Variants in SOBP observed in about 807,000 individuals in gnomAD.
SOBP encodes the protein sine oculis binding protein homolog.
In SOBP, 4 loss-of-function variants were observed where a neutral mutation model predicts 53.6. The ratio of observed to expected loss-of-function variants is 0.07; its 90% CI spans 0.04 to 0.17. SOBP has a LOEUF of 0.17. Ranked by LOEUF, SOBP falls within the 10% of genes least tolerant of loss-of-function variation. SOBP has a pLI of 1.00. For missense variants in SOBP, 1,088 were observed against 1,204.7 expected, an observed-to-expected ratio of 0.90 and a Z score of 1.43; for synonymous variants, 584 against 522.6, an observed-to-expected ratio of 1.12 and a Z score of -1.60.
chr6:107,527,871 A>G (rs1362718940), intron 3 of SOBP, among the ~76,000 whole-genome samples: 1 of 152,188 alleles, frequency 6.6e-6, no homozygotes, highest in Non-Finnish European at 1.5e-5. Context: ...ATCCTTAGTT[A>G]TATGCCATTG....
chr6:107,490,875 C>G (rs73514976), intron 1 of SOBP, among the ~76,000 whole-genome samples, 163 bp downstream of exon 1: 4,260 of 151,980 alleles, frequency 0.028, 217 homozygotes, highest in African/African-American at 0.098. Context: ...GAGGCCAACT[C>G]GAGGGCTGCA....
At position 107,587,181 on chromosome 6, in the gene SOBP, A is replaced by G. The variant is rs1280125299; in HGVS notation, c.669+6A>G. ...AGAATAACTGCGAACTACTTGTAAG[A>G]ATAACATACTTACAACAAGTCTAGA... On this transcript the variant is annotated splice_donor_region_variant and intron_variant, in intron 5 of 6. Transcript: ENST00000317357. 1 of 1,604,230 alleles carries G rather than the reference A, an allele frequency of 6.2e-7. No individual in the cohort carries two copies. Among genetic ancestry groups the G allele is most frequent in the Admixed American group, 1.7e-5 (1 of 59,980 alleles).
At chr6:107,655,587 C>T (rs960130778) in intron 6 of SOBP, among the ~76,000 whole-genome samples, 7 of 152,074 alleles carry the variant, frequency 4.6e-5, no homozygotes, top group African/African-American at 1.7e-4. Flanking sequence ...ACTAGGGCTG[C>T]GAAAAATAGA....
At chr6:107,500,436 A>G (rs1368913032) in intron 1 of SOBP, among the ~76,000 whole-genome samples, 1 of 152,112 alleles carries the variant, frequency 6.6e-6, no homozygotes, top group Non-Finnish European at 1.5e-5. Context: ...ATAACGTTAA[A>G]AATTTATTTT....
chr6:107,586,989 G>A (rs1347418434), intron 4 of SOBP, 91 bp from the exon 5 acceptor site: 15 of 949,836 alleles, frequency 1.6e-5, no homozygotes, highest in South Asian at 3.9e-5. Flanking sequence ...CTGGATTCCC[G>A]TTTGTTGAAT....
At chr6:107,498,426 C>T in intron 1 of SOBP, among the ~76,000 whole-genome samples, 1 of 152,030 alleles carries the variant, frequency 6.6e-6, no homozygotes, top group East Asian at 1.9e-4. Context: ...TAAATAAAAT[C>T]ACCAGTTCTT....
At chr6:107,615,271 G>A (rs543630643) in intron 5 of SOBP, among the ~76,000 whole-genome samples, 4 of 152,158 alleles carry the variant, frequency 2.6e-5, no homozygotes, top group Admixed American at 2.6e-4. Flanking sequence ...CAGAACAAGG[G>A]GTATAATTAG....
intron 5 of SOBP, among the ~76,000 whole-genome samples, chr6:107,621,972 G>A (rs1362767620): frequency 2.6e-5 from 4 of 152,138 alleles, no homozygotes; most frequent in African/African-American, 7.2e-5. Flanking sequence ...ATTTGTAGTA[G>A]GGTATTTTTC....
At chr6:107,591,651 C>G (rs1317946344) in intron 5 of SOBP, among the ~76,000 whole-genome samples, 2 of 152,186 alleles carry the variant, frequency 1.3e-5, no homozygotes, top group Non-Finnish European at 2.9e-5. Context: ...AAGGGGTGAA[C>G]AGCAGGCAGT....
chr6:107,581,247 A>G (rs373789430), intron 4 of SOBP, among the ~76,000 whole-genome samples: 2 of 152,226 alleles, frequency 1.3e-5, no homozygotes, highest in African/African-American at 4.8e-5. Context: ...AGAGTCACTG[A>G]TGGCTTCCTA....
At position 107,573,621 on chromosome 6, in the gene SOBP, C is replaced by G. The variant is rs989988931; in HGVS notation, c.574-13459C>G. 2.6e-5 allele frequency among the ~76,000 whole-genome samples: 4 copies of G among 152,330 alleles called. No homozygotes were observed. The South Asian group carries it at 8.3e-4, about 32-fold the overall frequency. ...TGGCACCACATGGCCCTCCTCAACC[C>G]TTTCTGTACTAATGTCCTCAACTAA... On this transcript the variant is annotated intron_variant, in intron 4 of 6. Transcript: ENST00000317357.
chr6:107,577,585 G>A (rs187150513), intron 4 of SOBP, among the ~76,000 whole-genome samples: 2 of 152,330 alleles, frequency 1.3e-5, no homozygotes, highest in African/African-American at 4.8e-5. Flanking sequence ...GCCCCTTGTA[G>A]TCTGTACAGC....
Position 107,633,676 on chromosome 6 carries a change from A to T in SOBP, c.832A>T (p.Thr278Ser). 1 of 1,614,270 alleles carries T rather than the reference A, an allele frequency of 6.2e-7. No homozygotes were observed. Among genetic ancestry groups the T allele is most frequent in the Non-Finnish European group, 8.5e-7 (1 of 1,180,046 alleles). ...QANLPAGLCS[T>S]LHPPMENKAE... The stretch of plus-strand genomic sequence containing the variant: ...CAATCTTCCAGCTGGGCTGTGCAGC[A>T]CATTACACCCTCCCATGGAAAATAA... The change falls in exon 6 of 7, where the codon ACA (threonine) becomes TCA (serine). Residue 278 changes from threonine (T) to serine (S), a missense_variant. Physicochemically the swap from Thr to Ser is moderately conservative, Grantham distance 58 (BLOSUM62 1). Around this residue, in one of 6 missense-constraint regions of SOBP, gnomAD observed 211 missense variants for 258.9 expected, o/e 0.82. Transcript: ENST00000317357.
rs2024763 is a variant in SOBP, at chr6:107,611,141, C to T, written c.670-22373C>T. Among the ~76,000 whole-genome samples, 1,224 of 152,314 alleles carry T rather than the reference C, an allele frequency of 8.0e-3. 19 individuals carry two copies. The highest frequency in any genetic ancestry group is 0.055 in the East Asian group (285 of 5,176). On this transcript the variant is annotated intron_variant, in intron 5 of 6. Coordinates refer to ENST00000317357, the MANE Select transcript of SOBP (RefSeq NM_018013.4). ...AAATGGTTCTGCCCCTTGTAGCTGC[C>T]CCAGTTCCCTCTTCACTAAAGGCTT...
chr6:107,530,602 T>C (rs1260445889), intron 3 of SOBP, among the ~76,000 whole-genome samples: 3 of 152,098 alleles, frequency 2.0e-5, no homozygotes, highest in African/African-American at 7.2e-5. Context: ...TTTAAATTTT[T>C]TGAATAACCC....
At chr6:107,628,276 A>C (rs1350474271) in intron 5 of SOBP, among the ~76,000 whole-genome samples, 2 of 152,232 alleles carry the variant, frequency 1.3e-5, no homozygotes, top group East Asian at 3.8e-4. Flanking sequence ...GAGGCTTTTC[A>C]GGATGGTGGG....
chr6:107,615,578 T>G (rs1024969085), intron 5 of SOBP, among the ~76,000 whole-genome samples: 1 of 152,150 alleles, frequency 6.6e-6, no homozygotes, highest in Non-Finnish European at 1.5e-5. Flanking sequence ...TGTCTACCTA[T>G]AGAATGTGCT....
chr6:107,546,899 C>T (rs1784316918), intron 4 of SOBP, among the ~76,000 whole-genome samples: 1 of 152,118 alleles, frequency 6.6e-6, no homozygotes, highest in East Asian at 1.9e-4. Context: ...ACATAAACAA[C>T]TGAAGACAAG....
rs1033500649 is a variant in SOBP at position 107,612,619 on chromosome 6, C to T, written c.670-20895C>T. ...TAATGTTGTAGTTATATATATAAAA[C>T]ATAGCATTTTCTATTTTAACTGTAG... On this transcript the variant is annotated intron_variant, in intron 5 of 6. Coordinates refer to ENST00000317357, the MANE Select transcript of SOBP (RefSeq NM_018013.4). 2.0e-5 allele frequency among the ~76,000 whole-genome samples: 3 copies of T among 152,016 alleles called. No homozygotes were observed. In the East Asian group the frequency reaches 5.8e-4, roughly 29 times the overall value.
Sources: allele counts gnomAD v4.1 joint callset (sites outside exome capture counted in the v4.1 genomes callset), GRCh38; gene constraint gnomAD v4.1.1; regional missense constraint gnomAD v4.1.1; transcripts MANE v1.5; gene names NCBI Gene and HGNC (gene_info 2026-07-23, HGNC 2026-07-21).